The following KIF17 variants were observed in gnomAD, a reference collection of about 807,000 sequenced individuals.
The protein encoded by KIF17 is kinesin family member 17.
In KIF17, 80 loss-of-function variants were observed where a neutral mutation model predicts 96.8. That is an observed-to-expected ratio of 0.83 (90% CI 0.69 to 1.00). The LOEUF (loss-of-function observed/expected upper bound fraction) is 1.00. Among genes scored for constraint, KIF17 ranks in the 50% least tolerant of loss-of-function variants. The pLI, the probability that KIF17 is intolerant of heterozygous loss-of-function variation, is 0.00. For synonymous variants in KIF17, 567 were observed against 587.5 expected, an observed-to-expected ratio of 0.97 and a Z score of 0.51; for missense variants, 1,280 against 1,372.9, an observed-to-expected ratio of 0.93 and a Z score of 1.07.
At chr1:20,690,145 C>T in intron 7 of KIF17, 43 bp downstream of exon 7, 1 of 1,612,084 alleles carries the variant, frequency 6.2e-7, no homozygotes, top group Non-Finnish European at 8.5e-7. Flanking sequence ...GGAAAGGAGG[C>T]CACCTTCCCT....
At chr1:20,705,126 A>G (rs1370038593) in intron 4 of KIF17, among the ~76,000 whole-genome samples, 1 of 152,234 alleles carries the variant, frequency 6.6e-6, no homozygotes, top group Non-Finnish European at 1.5e-5. Flanking sequence ...GCTAAGAGCT[A>G]TAGCCACCAT....
At chr1:20,691,049 C>T (rs1465478528) in intron 6 of KIF17, among the ~76,000 whole-genome samples, 2 of 151,732 alleles carry the variant, frequency 1.3e-5, no homozygotes, top group East Asian at 4.0e-4. Flanking sequence ...GCCTGTAACC[C>T]CAGCACTTTG....
intron 4 of KIF17, among the ~76,000 whole-genome samples, chr1:20,707,605 T>C (rs2154537407): frequency 6.6e-6 from 1 of 151,576 alleles, no homozygotes; most frequent in African/African-American, 2.4e-5. Flanking sequence ...ATCCTGTCGC[T>C]ACAAAACATA....
At chr1:20,675,644 T>C (rs945507038) in intron 11 of KIF17, among the ~76,000 whole-genome samples, 2 of 152,190 alleles carry the variant, frequency 1.3e-5, no homozygotes, top group African/African-American at 2.4e-5. Context: ...GTTTTGGCTA[T>C]TTTGAGTCCC....
chr1:20,704,364 G>A lies in KIF17; in HGVS notation c.1123+83C>T. On this transcript the variant is annotated intron_variant, in intron 5 of 14. Coordinates refer to ENST00000400463, the MANE Select transcript of KIF17 (RefSeq NM_001122819.3). This position sits in a 1 kb window ranked among gnomAD's most constrained non-coding sequence, Gnocchi z 6.8. The stretch of plus-strand genomic sequence containing the variant: ...GCTGCTCCCACTGTCTTTTAGGTGG[G>A]AAGTTGGAGGCGAGAAGACAGAGGG... 7 of 1,136,482 alleles carry A rather than the reference G, an allele frequency of 6.2e-6. No homozygotes were observed. The Admixed American group carries it at 1.4e-4, about 22-fold the overall frequency. The allele number at this position is 1,136,482 out of a possible 1,614,324, so 70.4% of individuals were successfully genotyped here.
At chr1:20,691,004 T>A (rs1427827899) in intron 6 of KIF17, among the ~76,000 whole-genome samples, 3 of 151,810 alleles carry the variant, frequency 2.0e-5, no homozygotes, top group South Asian at 2.1e-4. Context: ...GCTAATTTTT[T>A]AAAAAAATTT....
intron 5 of KIF17, among the ~76,000 whole-genome samples, chr1:20,703,318 T>C (rs2154537123): frequency 6.6e-6 from 1 of 151,840 alleles, no homozygotes; most frequent in Non-Finnish European, 1.5e-5. Context: ...AAAGGATCAG[T>C]GGATGAATGG....
intron 5 of KIF17, among the ~76,000 whole-genome samples, chr1:20,701,193 G>A (rs996217474): frequency 2.0e-5 from 3 of 152,192 alleles, no homozygotes; most frequent in African/African-American, 7.2e-5. Flanking sequence ...CAGCACTTTG[G>A]GAGGCTGAGG....
At chr1:20,717,226 G>A in intron 1 of KIF17, 1 of 543,836 alleles carries the variant, frequency 1.8e-6, no homozygotes, top group Non-Finnish European at 3.3e-6. Context: ...CTACTTGGGA[G>A]GCTGAGGCAG....
intron 5 of KIF17, among the ~76,000 whole-genome samples, chr1:20,702,950 C>T (rs74964138): frequency 1.3e-5 from 2 of 152,270 alleles, no homozygotes; most frequent in Non-Finnish European, 2.9e-5. Flanking sequence ...GTACCCAGCA[C>T]GTGTCCACAC....
At chr1:20,663,179 G>A (rs674114), downstream of KIF17, among the ~76,000 whole-genome samples, 56,961 of 151,980 alleles carry the variant, frequency 0.37, 10,719 homozygotes, top group Middle Eastern at 0.45. Context: ...AGCTGAGATT[G>A]CCCGCTGCTG....
At position 20,698,283 on chromosome 1, in the gene KIF17, G is replaced by A. The variant is rs116120001; in HGVS notation, c.1233+96C>T. 1.1e-3 allele frequency: 870 copies of A among 816,920 alleles called. 6 individuals are homozygous for A. The African/African-American group carries it at 0.011, about 10-fold the overall frequency. The allele number at this position is 816,920 out of a possible 1,614,324, so 50.6% of individuals were successfully genotyped here. On this transcript the variant is annotated intron_variant, in intron 6 of 14. Transcript: ENST00000400463. ...AGGACCAAACCCACGGTGAAGGTAC[G>A]GTGATATCGCGTTGGACCCCAGCGG...
In KIF17 at chr1:20,664,601, CA is replaced by C. The variant is rs2053491631; in HGVS notation, c.3069del (p.Phe1023LeufsTer17). 1 of 1,528,872 alleles carries C rather than the reference CA, an allele frequency of 6.5e-7. No homozygotes were observed. The highest frequency in any genetic ancestry group is 1.8e-5 in the Admixed American group (1 of 56,020). The allele number at this position is 1,528,872 out of a possible 1,614,324, so 94.7% of individuals were successfully genotyped here. On this transcript the variant is annotated frameshift_variant, in exon 15 of 15. Transcript: ENST00000400463. LOFTEE classifies it high-confidence loss of function. ...KAKRKKSKSN[F>X]GSEPL ...AGCTGTGCTCACAGAGGCTCACTGCCAAAGTTGCTTTTGCTTTTCTTACGCT... is the reference window on the plus strand; with the variant it reads ...AGCTGTGCTCACAGAGGCTCACTGCCAAGTTGCTTTTGCTTTTCTTACGCT...
rs576590467 is a variant in KIF17, at chr1:20,700,858, C to G, written c.1124-2370G>C. 2.0e-5 allele frequency among the ~76,000 whole-genome samples: 3 copies of G among 152,154 alleles called. No homozygotes were observed. Among genetic ancestry groups the G allele is most frequent in the Admixed American group, 6.6e-5 (1 of 15,262 alleles). On this transcript the variant is annotated intron_variant, in intron 5 of 14. Coordinates refer to ENST00000400463, the MANE Select transcript of KIF17 (RefSeq NM_001122819.3). The surrounding 1 kb of genome is among the most constrained non-coding windows in gnomAD (Gnocchi z 4.6). The stretch of plus-strand genomic sequence containing the variant: ...CCCCCTGCCCTGAACAGGCCCAGGG[C>G]CAGGCAGAGACAACCAGGAACAGCC...
chr1:20,663,703 C>T (rs996099272), downstream of KIF17, among the ~76,000 whole-genome samples: 1 of 152,344 alleles, frequency 6.6e-6, no homozygotes, highest in Non-Finnish European at 1.5e-5. Flanking sequence ...CTGGCTATAT[C>T]AGGACACCCA....
At chr1:20,714,045 A>G (rs984000424) in intron 2 of KIF17, among the ~76,000 whole-genome samples, 17 of 152,076 alleles carry the variant, frequency 1.1e-4, no homozygotes, top group African/African-American at 4.1e-4. Flanking sequence ...AAAATTAGCT[A>G]GGCCAAGCGC....
chr1:20,716,241 CAA>C (rs71585780), intron 1 of KIF17, among the ~76,000 whole-genome samples: 2,788 of 111,706 alleles, frequency 0.025, 34 homozygotes, highest in Non-Finnish European at 0.031. Context: ...GACTCCGTCT[CAA>C]AAAAAAAAAA....
At chr1:20,683,789 C>T (rs2053876957) in intron 10 of KIF17, among the ~76,000 whole-genome samples, 2 of 152,246 alleles carry the variant, frequency 1.3e-5, no homozygotes, top group Admixed American at 1.3e-4. Flanking sequence ...AGCTTTCACT[C>T]ACGGCTGGCA....
chr1:20,712,073 A>G (rs1570482634), intron 3 of KIF17, among the ~76,000 whole-genome samples: 1 of 152,040 alleles, frequency 6.6e-6, no homozygotes, highest in Admixed American at 6.5e-5. Flanking sequence ...TAGGCCTGAG[A>G]CCCATGGCTC....
Sources: allele counts gnomAD v4.1 joint callset (sites outside exome capture counted in the v4.1 genomes callset), GRCh38; gene constraint gnomAD v4.1.1; non-coding constraint Gnocchi (gnomAD v3.1); transcripts MANE v1.5; gene names NCBI Gene and HGNC (gene_info 2026-07-23, HGNC 2026-07-21).